Variants in HMGA2 observed in about 807,000 individuals in gnomAD.
HMGA2 encodes the protein high mobility group protein HMGI-C.
A neutral mutation model predicts 19.1 loss-of-function variants in HMGA2; 8 were observed. The ratio of observed to expected loss-of-function variants is 0.42; its 90% CI spans 0.25 to 0.76. The LOEUF is 0.76. HMGA2 is among the 30% of genes least tolerant of loss of function. The pLI is 0.28. For synonymous variants in HMGA2, 60 were observed against 48.8 expected, an observed-to-expected ratio of 1.23 and a Z score of -0.96; for missense variants, 109 against 136.3, an observed-to-expected ratio of 0.80 and a Z score of 1.00.
Position 65,825,662 on chromosome 12 carries a change from C to T in HMGA2, c.111+281C>T, listed in dbSNP as rs1329599513. Among the ~76,000 whole-genome samples the T allele has an allele frequency of 5.3e-5, 8 of 152,150 alleles. No homozygotes were observed. In the East Asian group the frequency reaches 1.6e-3, roughly 30 times the overall value. On this transcript the variant is annotated intron_variant, in intron 1 of 4. Transcript: ENST00000403681. This position sits in a 1 kb window ranked among gnomAD's most constrained non-coding sequence, Gnocchi z 4.4. ...GCGTCCTCGGACTTTCGCTATTGTG[C>T]ACGGCCCCGAGTGGCGCGGTGTCGC...
chr12:65,913,120 T>C (rs1488412967), intron 3 of HMGA2, among the ~76,000 whole-genome samples: 3 of 152,246 alleles, frequency 2.0e-5, no homozygotes, highest in Non-Finnish European at 4.4e-5. Context: ...TAATTACTTA[T>C]AATCATGAGT....
At chr12:65,883,336 T>C (rs1873518383) in intron 3 of HMGA2, among the ~76,000 whole-genome samples, 2 of 152,228 alleles carry the variant, frequency 1.3e-5, no homozygotes, top group African/African-American at 4.8e-5. Flanking sequence ...TGACACTAAC[T>C]GGTTGTGAAT....
At chr12:65,952,273 A>G (rs1255065966) in intron 4 of HMGA2, 2 of 965,630 alleles carry the variant, frequency 2.1e-6, no homozygotes, top group South Asian at 2.8e-5. Flanking sequence ...ATTAAGTAGA[A>G]CTCTTTCATG....
intron 3 of HMGA2, among the ~76,000 whole-genome samples, chr12:65,854,532 C>T (rs1404291826): frequency 1.3e-5 from 2 of 152,170 alleles, no homozygotes; most frequent in Non-Finnish European, 2.9e-5. Flanking sequence ...AAGTTATATA[C>T]AACTTTATCA....
chr12:65,906,837 C>T (rs1051884511), intron 3 of HMGA2, among the ~76,000 whole-genome samples: 4 of 152,142 alleles, frequency 2.6e-5, no homozygotes, highest in Non-Finnish European at 5.9e-5. Flanking sequence ...TCTTTGAGGG[C>T]AGAAACCATG....
chr12:65,836,316 G>A (rs1870722011), intron 2 of HMGA2, among the ~76,000 whole-genome samples: 1 of 151,072 alleles, frequency 6.6e-6, no homozygotes, highest in East Asian at 1.9e-4. Flanking sequence ...CAGAGACCGC[G>A]TCACTGCACT....
chr12:65,901,158 C>G (rs1334431415), intron 3 of HMGA2, among the ~76,000 whole-genome samples: 1 of 152,138 alleles, frequency 6.6e-6, no homozygotes, highest in East Asian at 1.9e-4. Context: ...ATGCTACAAG[C>G]AGGACTTGAC....
chr12:65,962,385 A>T (rs1876776572), intron 4 of HMGA2, among the ~76,000 whole-genome samples: 1 of 152,202 alleles, frequency 6.6e-6, no homozygotes, highest in Non-Finnish European at 1.5e-5. Flanking sequence ...GGGAAGGAGG[A>T]GTTAGATTTA....
intron 3 of HMGA2, among the ~76,000 whole-genome samples, chr12:65,875,249 A>C (rs1872926707): frequency 6.6e-6 from 1 of 152,140 alleles, no homozygotes; most frequent in Admixed American, 6.6e-5. Context: ...TACCAGATGT[A>C]TTTTATTTAA....
intron 3 of HMGA2, among the ~76,000 whole-genome samples, chr12:65,895,730 A>G (rs955319422): frequency 6.6e-6 from 1 of 151,900 alleles, no homozygotes; most frequent in Non-Finnish European, 1.5e-5. Flanking sequence ...TTTGTCCTAC[A>G]TAGTCTGCCT....
At chr12:65,844,708 A>G (rs947163262) in intron 3 of HMGA2, among the ~76,000 whole-genome samples, 7 of 152,218 alleles carry the variant, frequency 4.6e-5, no homozygotes, top group Admixed American at 2.0e-4. Flanking sequence ...CCAGTTTAGC[A>G]TGGCCAACCT....
intron 3 of HMGA2, among the ~76,000 whole-genome samples, chr12:65,855,439 TTCTC>T (rs796480425): frequency 3.6e-4 from 42 of 116,882 alleles, no homozygotes; most frequent in Middle Eastern, 4.7e-3. Flanking sequence ...CTCTTTCTCT[TTCTC>T]TCTCTCTCTC....
intron 3 of HMGA2, among the ~76,000 whole-genome samples, chr12:65,876,052 T>C (rs1050083983): frequency 6.6e-6 from 1 of 152,170 alleles, no homozygotes; most frequent in Admixed American, 6.5e-5. Context: ...TCTTTGTTGA[T>C]GTCTTCAGTT....
chr12:65,955,516 GAC>G (rs1343873619), intron 4 of HMGA2: 1 of 152,136 alleles, frequency 6.6e-6, no homozygotes, highest in Non-Finnish European at 1.5e-5. Flanking sequence ...ATGTAATTCA[GAC>G]ATTTTTCTCT....
At chr12:65,863,004 T>C (rs1408236727) in intron 3 of HMGA2, among the ~76,000 whole-genome samples, 5 of 152,166 alleles carry the variant, frequency 3.3e-5, no homozygotes, top group Admixed American at 2.0e-4. Flanking sequence ...CCACCCATGC[T>C]CAGCTCATGG....
At chr12:65,944,675 A>G (rs1037237437) in intron 3 of HMGA2, among the ~76,000 whole-genome samples, 3 of 152,192 alleles carry the variant, frequency 2.0e-5, no homozygotes, top group Non-Finnish European at 2.9e-5. Flanking sequence ...GAAAGACCTT[A>G]TCTTGATTGT....
chr12:65,957,055 C>A (rs1019646777), intron 4 of HMGA2: 3 of 152,136 alleles, frequency 2.0e-5, no homozygotes, highest in Admixed American at 6.5e-5. Context: ...TGTTAACTTA[C>A]TGTTATTGAT....
At chr12:65,872,031 C>A in intron 3 of HMGA2, among the ~76,000 whole-genome samples, 1 of 152,170 alleles carries the variant, frequency 6.6e-6, no homozygotes, top group Admixed American at 6.5e-5. Flanking sequence ...TGAAGCCAGT[C>A]TGAAGTGGCA....
intron 3 of HMGA2, among the ~76,000 whole-genome samples, chr12:65,883,214 GT>G (rs1418912963): frequency 6.6e-6 from 1 of 152,232 alleles, no homozygotes. Flanking sequence ...CACCACATTT[GT>G]GGAAAATGTT....
Sources: gnomAD v4.1 joint callset for allele counts (sites outside exome capture counted in the v4.1 genomes callset) on GRCh38, gnomAD v4.1.1 for gene constraint, Gnocchi (gnomAD v3.1) non-coding constraint, MANE v1.5 for transcripts, NCBI Gene and HGNC (gene_info 2026-07-23, HGNC 2026-07-21) for gene names.